The following KIAA0825 variants were observed in gnomAD, a reference collection of about 807,000 sequenced individuals.
KIAA0825 encodes the protein KIAA0825, also known as uncharacterized protein KIAA0825.
In KIAA0825, 119 loss-of-function variants were observed where a neutral mutation model predicts 147.6. The observed-to-expected ratio is 0.81, with a 90% confidence interval of 0.69 to 0.94. KIAA0825 has a LOEUF of 0.94. KIAA0825 is among the 40% of genes least tolerant of loss of function. The probability of loss-of-function intolerance (pLI) is 0.00; values close to 1 mark genes in which losing one functional copy is unlikely to be tolerated. For missense variants in KIAA0825, 1,381 were observed against 1,472.7 expected, an observed-to-expected ratio of 0.94 and a Z score of 1.02; for synonymous variants, 470 against 518.1, an observed-to-expected ratio of 0.91 and a Z score of 1.26.
chr5:94,592,868 T>A, intron 1 of KIAA0825: 1 of 587,072 alleles, frequency 1.7e-6, no homozygotes, highest in Non-Finnish European at 3.2e-6. Flanking sequence ...TTTCGACTCA[T>A]CAGTTGTGAA....
rs973776238 is a variant in KIAA0825, at chr5:94,151,441, A to C, written c.*2566T>G. ...TCCGTCTCAAAAAAAAAAAAAAAAA[A>C]AAAAAAAAAACATATTGAGTATAAA... is the stretch of plus-strand genomic sequence containing the variant. On this transcript the variant is annotated 3_prime_UTR_variant, in exon 21 of 21. Transcript: ENST00000682413. Among the ~76,000 whole-genome samples the C allele has an allele frequency of 5.3e-5, 8 of 151,316 alleles. No homozygotes were observed. Among genetic ancestry groups the C allele is most frequent in the South Asian group, 4.2e-4 (2 of 4,814 alleles).
Position 94,464,970 on chromosome 5 carries a change from T to C in KIAA0825, c.1962A>G (p.Leu654=). 6.4e-7 allele frequency: 1 copy of C among 1,551,728 alleles called. No individual in the cohort carries two copies. The highest frequency in any genetic ancestry group is 8.7e-7 in the Non-Finnish European group (1 of 1,146,996). ...GCACTTCCACTAGAATCTCCTGGGC[T>C]AACTTAGGAGGCAGAATGGTCCAGA... The part of the protein sequence containing the change: ...YDLWTILPPK[L]AQEILVEVLE... The change falls in exon 11 of 21, where the codon TTA becomes TTG. Residue 654 remains leucine (L), a synonymous_variant. Transcript: ENST00000682413.
At chr5:94,425,644 CA>C (rs1218313485) in intron 14 of KIAA0825, among the ~76,000 whole-genome samples, 1 of 152,086 alleles carries the variant, frequency 6.6e-6, no homozygotes, top group Non-Finnish European at 1.5e-5. Flanking sequence ...CAAACCAAAA[CA>C]AAACCCATAT....
chr5:94,578,021 C>T (rs1243206512), intron 2 of KIAA0825, among the ~76,000 whole-genome samples: 1 of 152,092 alleles, frequency 6.6e-6, no homozygotes, highest in African/African-American at 2.4e-5. Context: ...AGAAAAAGTG[C>T]CACAGGAAGA....
chr5:94,473,249 C>T, intron 8 of KIAA0825, 43 bp downstream of exon 8: 1 of 1,457,784 alleles, frequency 6.9e-7, no homozygotes, highest in South Asian at 1.2e-5. Flanking sequence ...AAAATAAATC[C>T]CATCATGCCA....
chr5:94,396,188 A>G lies in KIAA0825; in HGVS notation c.3209T>C (p.Ile1070Thr). 6.4e-7 allele frequency: 1 copy of G among 1,550,746 alleles called. No homozygotes were observed. Among genetic ancestry groups the G allele is most frequent in the Non-Finnish European group, 8.7e-7 (1 of 1,146,744 alleles). Residue 1070 changes from isoleucine (I) to threonine (T), a missense_variant, in exon 17 of 21, where the codon ATC (isoleucine) becomes ACC (threonine). Transcript: ENST00000682413. ...CTCAATGCTCTGTATGACCTTTTGG[A>G]TCATTTGATTATGGATACTTGTCTG... ...GDQTSIHNQM[I>T]QKVIQSIEQQ...
intron 20 of KIAA0825, among the ~76,000 whole-genome samples, chr5:94,185,681 T>G (rs552965634): frequency 6.6e-6 from 1 of 152,282 alleles, no homozygotes; most frequent in African/African-American, 2.4e-5. Flanking sequence ...TGGATACACA[T>G]AGATAGGTCA....
chr5:94,582,533 T>C lies in KIAA0825; in HGVS notation c.-102A>G, dbSNP rs1782390191. ...AGTTGTCAGCAGAAGAACTGTCTCTTTTCTAGTAACTTCAGCAACGTTTTT... is the reference window on the plus strand; with the variant it reads ...AGTTGTCAGCAGAAGAACTGTCTCTCTTCTAGTAACTTCAGCAACGTTTTT... On this transcript the variant is annotated 5_prime_UTR_variant, in exon 2 of 21. Transcript: ENST00000682413. The C allele has an allele frequency of 6.6e-6, 1 of 151,972 alleles. No individual in the cohort carries two copies. Among genetic ancestry groups the C allele is most frequent in the Non-Finnish European group, 1.5e-5 (1 of 68,004 alleles). The allele number at this position is 151,972 out of a possible 1,614,324, so 9.4% of individuals were successfully genotyped here.
chr5:94,472,747 AAAAAC>A lies in KIAA0825; in HGVS notation c.1455+540_1455+544del, dbSNP rs1195034223. Among the ~76,000 whole-genome samples the A allele has an allele frequency of 2.6e-5, 4 of 152,266 alleles. No individual in the cohort carries two copies. In the East Asian group the frequency reaches 7.7e-4, roughly 29 times the overall value. On this transcript the variant is annotated intron_variant, in intron 8 of 20. Coordinates refer to ENST00000682413, the MANE Select transcript of KIAA0825 (RefSeq NM_001145678.3). ...CGACAGAGTGAGGCCCCCGTCTCAA[AAAAAC>A]AAAACAAAACAAAAAAAGAATATCC...
intron 14 of KIAA0825, among the ~76,000 whole-genome samples, chr5:94,435,854 G>T (rs1346650226): frequency 1.3e-5 from 2 of 151,880 alleles, no homozygotes; most frequent in African/African-American, 2.4e-5. Context: ...GTTTTGATTT[G>T]CATTTCTCTA....
intron 20 of KIAA0825, among the ~76,000 whole-genome samples, chr5:94,382,381 C>T (rs562928188): frequency 3.3e-5 from 5 of 152,206 alleles, no homozygotes; most frequent in Admixed American, 2.6e-4. Flanking sequence ...AGGGTGTCAT[C>T]GAGAAACTAA....
chr5:94,195,586 G>C (rs764707066), intron 20 of KIAA0825, among the ~76,000 whole-genome samples: 11 of 146,640 alleles, frequency 7.5e-5, no homozygotes, highest in Non-Finnish European at 1.5e-4. Context: ...TTGTAACAAC[G>C]TTTTTTTTTT....
chr5:94,364,906 C>T (rs1213302897), intron 20 of KIAA0825, among the ~76,000 whole-genome samples: 3 of 151,990 alleles, frequency 2.0e-5, no homozygotes, highest in African/African-American at 4.8e-5. Context: ...GGGTGGGTGC[C>T]GGGAGTTGTG....
intron 13 of KIAA0825, among the ~76,000 whole-genome samples, chr5:94,450,034 C>T (rs375819724): frequency 5.7e-4 from 86 of 151,968 alleles, no homozygotes; most frequent in African/African-American, 1.9e-3. Context: ...GATCCAAGAT[C>T]GTGCCATTGG....
intron 20 of KIAA0825, among the ~76,000 whole-genome samples, chr5:94,161,229 G>A (rs1236433604): frequency 1.3e-5 from 2 of 152,194 alleles, no homozygotes; most frequent in African/African-American, 4.8e-5. Flanking sequence ...TGACTGCCCT[G>A]CCTAGAGAGT....
intron 14 of KIAA0825, among the ~76,000 whole-genome samples, chr5:94,418,773 A>C (rs1243168202): frequency 6.6e-6 from 1 of 152,128 alleles, no homozygotes; most frequent in Non-Finnish European, 1.5e-5. Context: ...AAGAAACAGA[A>C]TTAAGAAAAG....
At chr5:94,160,171 G>C (rs549634480) in intron 20 of KIAA0825, among the ~76,000 whole-genome samples, 3 of 152,176 alleles carry the variant, frequency 2.0e-5, no homozygotes, top group Admixed American at 2.0e-4. Context: ...CTCAGGGTCA[G>C]TCCTAGACCA....
chr5:94,554,273 A>G (rs1776115286), intron 2 of KIAA0825, among the ~76,000 whole-genome samples: 1 of 152,152 alleles, frequency 6.6e-6, no homozygotes, highest in South Asian at 2.1e-4. Flanking sequence ...CATCACACGG[A>G]AAAGGGGTAA....
intron 20 of KIAA0825, among the ~76,000 whole-genome samples, chr5:94,172,346 T>A (rs1371951497): frequency 3.3e-5 from 5 of 152,204 alleles, no homozygotes; most frequent in Non-Finnish European, 7.4e-5. Flanking sequence ...TTGCAAAATG[T>A]ATGGATAGTT....
Sources: gnomAD v4.1 joint callset for allele counts (sites outside exome capture counted in the v4.1 genomes callset) on GRCh38, gnomAD v4.1.1 for gene constraint, MANE v1.5 for transcripts, NCBI Gene and HGNC (gene_info 2026-07-23, HGNC 2026-07-21) for gene names.